Variants in SHPRH observed in about 807,000 individuals in gnomAD.
The protein encoded by SHPRH is SNF2 histone linker PHD RING helicase.
A neutral mutation model predicts 202.5 loss-of-function variants in SHPRH; 106 were observed. The ratio of observed to expected loss-of-function variants is 0.52; its 90% CI spans 0.45 to 0.62. The LOEUF (loss-of-function observed/expected upper bound fraction) is 0.62. SHPRH is among the 20% of genes least tolerant of loss of function. The pLI is 0.00. For synonymous variants in SHPRH, 729 were observed against 686.0 expected (o/e 1.06, Z -0.98); for missense variants, 1,710 against 2,020.0 (o/e 0.85, Z 2.94).
At chr6:145,917,946 A>T in intron 23 of SHPRH, 185 bp downstream of exon 23, 1 of 430,902 alleles carries the variant, frequency 2.3e-6, no homozygotes, top group Non-Finnish European at 4.2e-6. Context: ...CTGCATAATA[A>T]ATTTCTATAG....
chr6:145,924,188 G>A (rs1212891454), intron 17 of SHPRH, among the ~76,000 whole-genome samples: 1 of 151,822 alleles, frequency 6.6e-6, no homozygotes, highest in East Asian at 1.9e-4. Flanking sequence ...TCTACTTAAT[G>A]AATAATCCAC....
At chr6:145,866,909 TAGAC>T (rs1489565173) in intron 2 of SHPRH, among the ~76,000 whole-genome samples, 3 of 149,882 alleles carry the variant, frequency 2.0e-5, no homozygotes, top group South Asian at 4.1e-4. Flanking sequence ...TGGGGGAAGG[TAGAC>T]AGAGAGGGGA....
intron 28 of SHPRH, among the ~76,000 whole-genome samples, chr6:145,891,965 G>A (rs541597295): frequency 5.9e-4 from 90 of 152,230 alleles, no homozygotes; most frequent in African/African-American, 2.0e-3. Context: ...ATGCCACTTG[G>A]TGGTATGTTA....
intron 8 of SHPRH, among the ~76,000 whole-genome samples, chr6:145,944,387 G>A (rs1490608465): frequency 6.6e-6 from 1 of 152,152 alleles, no homozygotes; most frequent in Admixed American, 6.6e-5. Context: ...AGTGAGAACA[G>A]TAAAAAGTAA....
At chr6:145,956,259 T>C (rs1438853077) in intron 1 of SHPRH, among the ~76,000 whole-genome samples, 1 of 151,690 alleles carries the variant, frequency 6.6e-6, no homozygotes, top group Non-Finnish European at 1.5e-5. Context: ...TTTGAAAAAA[T>C]CATGCATGAA....
chr6:145,943,009 C>T, intron 9 of SHPRH, 134 bp downstream of exon 9: 4 of 1,062,814 alleles, frequency 3.8e-6, no homozygotes, highest in Non-Finnish European at 5.3e-6. Flanking sequence ...TTTCTTTAAG[C>T]TTTGATTTAA....
chr6:145,963,213 CTAAA>C (rs2128816601), intron 1 of SHPRH, among the ~76,000 whole-genome samples: 1 of 152,310 alleles, frequency 6.6e-6, no homozygotes, highest in African/African-American at 2.4e-5. Context: ...TAATCATAAA[CTAAA>C]TAGTCTTTTT....
intron 14 of SHPRH, among the ~76,000 whole-genome samples, chr6:145,931,948 G>A (rs977842252): frequency 3.4e-5 from 5 of 146,518 alleles, no homozygotes; most frequent in Non-Finnish European, 3.0e-5. Context: ...ATGTGAAGTT[G>A]TCCACAACCT....
chr6:145,927,451 C>A (rs1784982354), intron 14 of SHPRH, 174 bp from the exon 15 acceptor site: 1 of 504,834 alleles, frequency 2.0e-6, no homozygotes, highest in African/African-American at 1.9e-5. Context: ...TTAAAAAAGG[C>A]TGAGTACAGT....
rs954768367 is a variant in SHPRH at position 145,945,247 on chromosome 6, C to T, written c.1578+134G>A. ...TCCACAAAGTAGAAAGTAGAAGTTA[C>T]AGATATAAGTACTTTTCCTATTTTT... On this transcript the variant is annotated intron_variant, in intron 8 of 29. Transcript: ENST00000275233. The T allele has an allele frequency of 1.3e-4, 134 of 1,034,766 alleles. 1 individual carries two copies. Among genetic ancestry groups the T allele is most frequent in the Non-Finnish European group, 1.6e-4 (121 of 748,392 alleles). The allele number at this position is 1,034,766 out of a possible 1,614,324, so 64.1% of individuals were successfully genotyped here. A position where few individuals can be genotyped will look rare whatever the true frequency, so the allele number is the denominator to read the frequency against.
rs551222481 is a variant in SHPRH at position 145,954,265 on chromosome 6, G to A, written c.633+425C>T. On this transcript the variant is annotated intron_variant, in intron 2 of 29. Coordinates refer to ENST00000275233, the MANE Select transcript of SHPRH (RefSeq NM_001042683.3). ...AAAAAGCAGAGTAATAAAGGGTAAG[G>A]CTCAAGGGCTTGTCAAGGGAGGAAC... is the stretch of plus-strand genomic sequence containing the variant. 4.6e-5 allele frequency among the ~76,000 whole-genome samples: 7 copies of A among 152,090 alleles called. No individual in the cohort carries two copies. The East Asian group carries it at 1.4e-3, about 29-fold the overall frequency.
At chr6:145,944,895 CA>C (rs1787200766) in intron 8 of SHPRH, among the ~76,000 whole-genome samples, 1 of 151,592 alleles carries the variant, frequency 6.6e-6, no homozygotes, top group South Asian at 2.1e-4. Flanking sequence ...CCCGTCTCTA[CA>C]AAAAAACAAG....
intron 24 of SHPRH, among the ~76,000 whole-genome samples, chr6:145,911,369 C>T (rs535390738): frequency 5.3e-5 from 8 of 152,202 alleles, no homozygotes; most frequent in Middle Eastern, 3.4e-3. Context: ...CTCCTGACCT[C>T]ATGATCCATC....
chr6:145,887,757 A>C (rs1404863059), intron 29 of SHPRH, among the ~76,000 whole-genome samples: 1 of 151,932 alleles, frequency 6.6e-6, no homozygotes, highest in Non-Finnish European at 1.5e-5. Flanking sequence ...CTGGTTTCGA[A>C]CTCCCAGCCT....
chr6:145,877,030 AT>A (rs1207971686), intron 2 of SHPRH: 1 of 152,184 alleles, frequency 6.6e-6, no homozygotes, highest in Non-Finnish European at 1.5e-5. Flanking sequence ...AGTCTGTGGT[AT>A]TTTGTTATGG....
rs771671148 is a variant in SHPRH, at chr6:145,941,698, C to T, written c.2415G>A (p.Pro805=). 9 of 1,613,984 alleles carry T rather than the reference C, an allele frequency of 5.6e-6. No individual in the cohort carries two copies. Among genetic ancestry groups the T allele is most frequent in the Non-Finnish European group, 7.6e-6 (9 of 1,179,940 alleles). The change falls in exon 10 of 30, where the codon CCG becomes CCA. Residue 805 remains proline (P), a synonymous_variant. Coordinates refer to ENST00000275233, the MANE Select transcript of SHPRH (RefSeq NM_001042683.3). ...ACCACTCCACAGCTACCAGGGGGCTCGGGATAGCCATATAGCGCTTCTGGT... is the reference window on the plus strand; with the variant it reads ...ACCACTCCACAGCTACCAGGGGGCTTGGGATAGCCATATAGCGCTTCTGGT... ...LRNQKRYMAI[P]SPLVAVEWWR...
At chr6:145,868,489 G>T (rs1263291623) in intron 2 of SHPRH, among the ~76,000 whole-genome samples, 1 of 152,048 alleles carries the variant, frequency 6.6e-6, no homozygotes, top group African/African-American at 2.4e-5. Context: ...AAATGTATTT[G>T]GGGGTAGAAT....
chr6:145,962,967 T>C (rs1028574542), intron 1 of SHPRH, among the ~76,000 whole-genome samples: 1 of 152,242 alleles, frequency 6.6e-6, no homozygotes, highest in Non-Finnish European at 1.5e-5. Flanking sequence ...CCCCTAAATC[T>C]TACTGGCCTA....
chr6:145,870,658 T>G (rs1169397849), intron 2 of SHPRH, among the ~76,000 whole-genome samples: 1 of 152,206 alleles, frequency 6.6e-6, no homozygotes, highest in Admixed American at 6.5e-5. Flanking sequence ...TTTTGTTGTG[T>G]AGCATTAGCT....
Sources: allele counts gnomAD v4.1 joint callset (sites outside exome capture counted in the v4.1 genomes callset), GRCh38; gene constraint gnomAD v4.1.1; transcripts MANE v1.5; gene names NCBI Gene and HGNC (gene_info 2026-07-23, HGNC 2026-07-21).